JADE1: variants seen among roughly 807,000 people sequenced by gnomAD.
JADE1 encodes protein Jade-1.
JADE1 carries 14 observed loss-of-function variants against 81.8 expected under a neutral mutation model. The observed-to-expected ratio is 0.17, with a 90% CI of 0.11 to 0.27. The LOEUF (loss-of-function observed/expected upper bound fraction) is 0.27. Among genes scored for constraint, JADE1 ranks in the 10% least tolerant of loss-of-function variants. The pLI is 1.00. For missense variants in JADE1, 690 were observed against 1,047.9 expected (o/e 0.66, Z 4.71); for synonymous variants, 353 against 391.9 (o/e 0.90, Z 1.17).
intron 1 of JADE1, among the ~76,000 whole-genome samples, chr4:128,831,271 A>G (rs73846996): frequency 0.014 from 2,102 of 152,228 alleles, 47 homozygotes; most frequent in African/African-American, 0.047. Flanking sequence ...TTTGCCTGAG[A>G]AGCATAATCA....
At chr4:128,862,827 A>G in intron 9 of JADE1, 1 of 993,822 alleles carries the variant, frequency 1.0e-6, no homozygotes, top group East Asian at 1.1e-4. Flanking sequence ...CATGAGCTGT[A>G]TGTACACATG....
chr4:128,870,350 C>T (rs1267465156), intron 10 of JADE1, among the ~76,000 whole-genome samples: 1 of 151,956 alleles, frequency 6.6e-6, no homozygotes, highest in South Asian at 2.1e-4. Context: ...CATATGGCCT[C>T]CTGTCTCATA....
intron 1 of JADE1, among the ~76,000 whole-genome samples, chr4:128,818,266 G>A (rs1320622065): frequency 2.0e-5 from 3 of 152,084 alleles, no homozygotes; most frequent in African/African-American, 4.8e-5. Context: ...GATTACAGGC[G>A]TGTGCCACCA....
intron 8 of JADE1, among the ~76,000 whole-genome samples, chr4:128,859,360 C>T (rs967979886): frequency 4.6e-5 from 7 of 150,934 alleles, no homozygotes; most frequent in Non-Finnish European, 1.0e-4. Flanking sequence ...TTTGAGTATG[C>T]GTGTGTGAAT....
chr4:128,864,675 A>G (rs1436932399), intron 9 of JADE1: 1 of 850,356 alleles, frequency 1.2e-6, no homozygotes. Context: ...AATTCACACA[A>G]TATCAGTTTA....
At chr4:128,843,865 G>A (rs751497230) in intron 3 of JADE1, among the ~76,000 whole-genome samples, 16 of 152,242 alleles carry the variant, frequency 1.1e-4, no homozygotes, top group East Asian at 1.9e-4. Context: ...AATAGGGAAC[G>A]TCAGAAGGCT....
intron 10 of JADE1, among the ~76,000 whole-genome samples, chr4:128,868,356 T>C (rs2125901724): frequency 6.6e-6 from 1 of 152,360 alleles, no homozygotes; most frequent in African/African-American, 2.4e-5. Context: ...CTAACAGGTT[T>C]ATATTCAGCC....
intron 9 of JADE1, among the ~76,000 whole-genome samples, chr4:128,867,015 A>G (rs1731830555): frequency 6.6e-6 from 1 of 152,174 alleles, no homozygotes; most frequent in Admixed American, 6.5e-5. Context: ...CTAAATGTTG[A>G]TTACTGAGCA....
In JADE1 at chr4:128,835,294, A is replaced by G. The variant is rs145008793; in HGVS notation, c.52+3484A>G. 5.9e-5 allele frequency among the ~76,000 whole-genome samples: 9 copies of G among 152,320 alleles called. No individual in the cohort carries two copies. The East Asian group carries it at 9.6e-4, about 16-fold the overall frequency. On this transcript the variant is annotated intron_variant, in intron 2 of 10. Coordinates refer to ENST00000226319, the MANE Select transcript of JADE1 (RefSeq NM_199320.4). ...CAGCCATGCTGTCTGTCCACGCTCA[A>G]TGATTTGATAAGGTGGATGATGGTA...
At chr4:128,821,836 A>G in intron 1 of JADE1, among the ~76,000 whole-genome samples, 1 of 151,272 alleles carries the variant, frequency 6.6e-6, no homozygotes, top group Admixed American at 6.6e-5. Context: ...TATAGTTTAA[A>G]CCCTAATTTT....
rs138107921 is a variant in JADE1, at chr4:128,827,936, G to A, written c.-26-3797G>A. 17 of 979,768 alleles carry A rather than the reference G, an allele frequency of 1.7e-5. No individual in the cohort carries two copies. The East Asian group carries it at 1.5e-3, about 86-fold the overall frequency. 60.7% of individuals were successfully genotyped at this position (979,768 alleles called of 1,614,324 possible). ...AAGTACGGTGCTCTGCCCCAAACAT[G>A]CCCCTTTTTCTGGCTACCTCCTCTT... On this transcript the variant is annotated intron_variant, in intron 1 of 10. Coordinates refer to ENST00000226319, the MANE Select transcript of JADE1 (RefSeq NM_199320.4).
intron 8 of JADE1, among the ~76,000 whole-genome samples, chr4:128,859,483 G>A (rs1013137312): frequency 6.6e-6 from 1 of 151,546 alleles, no homozygotes; most frequent in Non-Finnish European, 1.5e-5. Flanking sequence ...GAGTATGCAT[G>A]TGAGTATGCA....
intron 1 of JADE1, among the ~76,000 whole-genome samples, chr4:128,829,525 T>C (rs1728352859): frequency 8.5e-6 from 1 of 117,016 alleles, no homozygotes; most frequent in African/African-American, 3.2e-5. Flanking sequence ...GTAGATCCAT[T>C]TTTTAAGTGT....
intron 8 of JADE1, among the ~76,000 whole-genome samples, chr4:128,861,162 C>G (rs2125888521): frequency 6.6e-6 from 1 of 152,324 alleles, no homozygotes; most frequent in Admixed American, 6.5e-5. Flanking sequence ...GAGCTCAAAT[C>G]TGTAAGAAAA....
Position 128,871,895 on chromosome 4 carries a change from G to C in JADE1, c.2162G>C (p.Cys721Ser), listed in dbSNP as rs1355746665. Residue 721 changes from cysteine to serine, a missense_variant, in exon 11 of 11, where the codon TGC becomes TCC. Physicochemically the swap from Cys to Ser is moderately radical, Grantham distance 112. Coordinates refer to ENST00000226319, the MANE Select transcript of JADE1 (RefSeq NM_199320.4). This position sits in a 1 kb window ranked among gnomAD's most constrained non-coding sequence, Gnocchi z 4.1. ...PGTRKEIVPKCNGSLIKVNYN... is the reference protein window; with the variant it reads ...PGTRKEIVPKSNGSLIKVNYN... ...ACAAGGAAGGAGATAGTGCCCAAGT[G>C]CAATGGCTCCCTAATCAAAGTAAAC... 1 of 1,614,076 alleles carries C rather than the reference G, an allele frequency of 6.2e-7. No individual in the cohort carries two copies. The highest frequency in any genetic ancestry group is 1.1e-5 in the South Asian group (1 of 91,078).
Position 128,871,841 on chromosome 4 carries a change from C to G in JADE1, c.2108C>G (p.Ser703Cys). ...CTGGACAACACAAGAGCTGCCACCTCCCCTGGAGTGGGGCAGTCAGCACCT... is the reference window on the plus strand; with the variant it reads ...CTGGACAACACAAGAGCTGCCACCTGCCCTGGAGTGGGGCAGTCAGCACCT... ...RHLDNTRAATSPGVGQSAPGT... is the reference protein window; with the variant it reads ...RHLDNTRAATCPGVGQSAPGT... The change falls in exon 11 of 11, where the codon TCC becomes TGC. Residue 703 changes from serine to cysteine, a missense_variant. By Grantham distance (112) the Ser-to-Cys change is moderately radical. This residue lies in a region of JADE1 where 218 missense variants were observed against 274.3 expected (regional missense o/e 0.79). Transcript: ENST00000226319. This position sits in a 1 kb window ranked among gnomAD's most constrained non-coding sequence, Gnocchi z 4.1. 6.2e-7 allele frequency: 1 copy of G among 1,614,048 alleles called. No individual in the cohort carries two copies. The highest frequency in any genetic ancestry group is 8.5e-7 in the Non-Finnish European group (1 of 1,179,938).
Position 128,850,565 on chromosome 4 carries a change from C to T in JADE1, c.484+1398C>T, listed in dbSNP as rs533956841. 6.6e-5 allele frequency among the ~76,000 whole-genome samples: 10 copies of T among 152,272 alleles called. No homozygotes were observed. The South Asian group carries it at 1.7e-3, about 25-fold the overall frequency. ...ATAGACTTCCTTCTTCTTGGTCCTGCTTTAGGTATTAATGGCCAAAACATT... is the reference window on the plus strand; with the variant it reads ...ATAGACTTCCTTCTTCTTGGTCCTGTTTTAGGTATTAATGGCCAAAACATT... On this transcript the variant is annotated intron_variant, in intron 5 of 10. Coordinates refer to ENST00000226319, the MANE Select transcript of JADE1 (RefSeq NM_199320.4).
At chr4:128,812,794 G>A (rs891446916) in intron 1 of JADE1, among the ~76,000 whole-genome samples, 6 of 152,236 alleles carry the variant, frequency 3.9e-5, no homozygotes, top group Non-Finnish European at 5.9e-5. Flanking sequence ...GCCTTACTTC[G>A]GCAGGGGCGA....
At chr4:128,828,507 C>T (rs1728257205) in intron 1 of JADE1, among the ~76,000 whole-genome samples, 1 of 152,174 alleles carries the variant, frequency 6.6e-6, no homozygotes, top group South Asian at 2.1e-4. Context: ...AACCCCCATA[C>T]TGTGCCAAGT....
Sources: allele counts gnomAD v4.1 joint callset (sites outside exome capture counted in the v4.1 genomes callset), GRCh38; gene constraint gnomAD v4.1.1; regional missense constraint gnomAD v4.1.1; non-coding constraint Gnocchi (gnomAD v3.1); transcripts MANE v1.5; gene names NCBI Gene and HGNC (gene_info 2026-07-23, HGNC 2026-07-21).